Variants in SUGT1 observed in about 807,000 individuals in gnomAD.
The protein encoded by SUGT1 is protein SGT1 homolog.
In SUGT1, 15 loss-of-function variants were observed where a neutral mutation model predicts 56.1. The observed-to-expected ratio is 0.27, with a 90% CI of 0.18 to 0.41. The LOEUF (loss-of-function observed/expected upper bound fraction) is 0.41, where lower values mean the gene tolerates loss of function less well. Ranked by LOEUF, SUGT1 falls within the 10% of genes least tolerant of loss-of-function variation. The pLI is 1.00. For missense variants in SUGT1, 347 were observed against 382.2 expected (o/e 0.91, Z 0.77); for synonymous variants, 123 against 128.6 (o/e 0.96, Z 0.30).
intron 2 of SUGT1, 123 bp downstream of exon 2, chr13:52,653,226 T>C: frequency 8.6e-7 from 1 of 1,156,342 alleles, no homozygotes; most frequent in East Asian, 2.3e-5. Context: ...TGATGCTGCG[T>C]CTCAGCTCCG....
chr13:52,685,361 C>T (rs1276055255), intron 12 of SUGT1, among the ~76,000 whole-genome samples: 1 of 149,844 alleles, frequency 6.7e-6, no homozygotes, highest in Non-Finnish European at 1.5e-5. Context: ...TCCCAAAGTA[C>T]TGGGATTCTA....
At chr13:52,679,884 A>T in intron 11 of SUGT1, 90 bp from the exon 12 acceptor site, 2 of 1,269,296 alleles carry the variant, frequency 1.6e-6, no homozygotes. Context: ...GTTTGCTAAG[A>T]TGTTCCATAT....
chr13:52,666,998 T>G (rs1372083613), intron 10 of SUGT1, 79 bp downstream of exon 10: 1 of 945,032 alleles, frequency 1.1e-6, no homozygotes, highest in Non-Finnish European at 1.6e-6. Flanking sequence ...CCCATGTGTT[T>G]ATAAGCTTGT....
At position 52,685,565 on chromosome 13, in the gene SUGT1, TGTCAA is replaced by T. The variant is rs567023742; in HGVS notation, c.901-2158_901-2154del. On this transcript the variant is annotated intron_variant, in intron 12 of 12. Transcript: ENST00000310528. ...AATTAGCAGTATGTCAGATCAAAGATGTCAAGTCAAGTCAAATCAAAGATCAAAGA... is the reference window on the plus strand; with the variant it reads ...AATTAGCAGTATGTCAGATCAAAGATGTCAAGTCAAATCAAAGATCAAAGA... Among the ~76,000 whole-genome samples, 780 of 152,280 alleles carry T rather than the reference TGTCAA, an allele frequency of 5.1e-3. 1 individual carries two copies. The highest frequency in any genetic ancestry group is 0.01 in the Middle Eastern group (3 of 294).
In SUGT1 at chr13:52,666,825, T is replaced by C; in HGVS notation, c.533T>C (p.Val178Ala). Reference sequence around the variant, plus strand: ...TGTGTTCATTAGTTGTCTGCTTTGGTTAAACTTCCTTCTGGAGAGGATTAC... The same window carrying C: ...TGTGTTCATTAGTTGTCTGCTTTGGCTAAACTTCCTTCTGGAGAGGATTAC... The part of the protein sequence containing the change: ...EFSEKELSAL[V>A]KLPSGEDYNL... The change falls in exon 10 of 13, where the codon GTT (valine) becomes GCT (alanine). Residue 178 changes from valine to alanine, a missense_variant. Coordinates refer to ENST00000310528, the MANE Select transcript of SUGT1 (RefSeq NM_006704.5). 6.2e-7 allele frequency: 1 copy of C among 1,612,970 alleles called. No homozygotes were observed. The highest frequency in any genetic ancestry group is 1.3e-5 in the African/African-American group (1 of 75,032).
chr13:52,653,319 C>A (rs1962003485), intron 2 of SUGT1, among the ~76,000 whole-genome samples: 1 of 152,164 alleles, frequency 6.6e-6, no homozygotes, highest in Non-Finnish European at 1.5e-5. Flanking sequence ...CCACTCCCTA[C>A]AGCTCCTGAG....
At chr13:52,672,747 T>A (rs1962993193) in intron 10 of SUGT1, among the ~76,000 whole-genome samples, 1 of 152,212 alleles carries the variant, frequency 6.6e-6, no homozygotes, top group Non-Finnish European at 1.5e-5. Flanking sequence ...GTAGGTGGGA[T>A]CTTACTTACC....
In SUGT1 at chr13:52,696,684, G is replaced by GC. The variant is rs1963943652; in HGVS notation, c.*8850dup. The GC allele has an allele frequency of 6.6e-6, 1 of 152,164 alleles. No homozygotes were observed. Among genetic ancestry groups the GC allele is most frequent in the Non-Finnish European group, 1.5e-5 (1 of 68,046 alleles). The allele number at this position is 152,164 out of a possible 1,614,324, so 9.4% of individuals were successfully genotyped here. ...GTGGTGCTCAGGCTGGAGTGCAGTG[G>GC]CTGTTCACAGGCGTGATAATTGTGT... On this transcript the variant is annotated 3_prime_UTR_variant, in exon 13 of 13. Transcript: ENST00000310528.
chr13:52,653,033 G>GT lies in SUGT1; in HGVS notation c.39-9dup. 1 of 1,614,136 alleles carries GT rather than the reference G, an allele frequency of 6.2e-7. No homozygotes were observed. Among genetic ancestry groups the GT allele is most frequent in the Non-Finnish European group, 8.5e-7 (1 of 1,180,008 alleles). On this transcript the variant is annotated splice_polypyrimidine_tract_variant and intron_variant, in intron 1 of 12. Transcript: ENST00000310528. Reference sequence around the variant, plus strand: ...GCTAGTGAGCCCTGCTGAAGTCGTTGTTTTCCTGACAGGTTTTTCCAGAGC... The same window carrying GT: ...GCTAGTGAGCCCTGCTGAAGTCGTTGTTTTTCCTGACAGGTTTTTCCAGAGC...
intron 12 of SUGT1, among the ~76,000 whole-genome samples, chr13:52,685,629 G>T (rs1322085882): frequency 1.3e-5 from 2 of 152,094 alleles, no homozygotes; most frequent in Non-Finnish European, 2.9e-5. Flanking sequence ...TAGAAACTTT[G>T]ACAATTATAA....
chr13:52,676,305 A>G lies in SUGT1; in HGVS notation c.703A>G (p.Lys235Glu), dbSNP rs555226844. Reference protein sequence around the residue: ...LEGQGDVPTPKQFVADVKNLY... With the variant: ...LEGQGDVPTPEQFVADVKNLY... ...GGGGCAAGGAGATGTGCCTACGCCAAAACAATTCGTAGCAGGTTTGTTTTC... is the reference window on the plus strand; with the variant it reads ...GGGGCAAGGAGATGTGCCTACGCCAGAACAATTCGTAGCAGGTTTGTTTTC... The change falls in exon 11 of 13, where the codon AAA (lysine) becomes GAA (glutamate). Residue 235 changes from lysine to glutamate, a missense_variant. Physicochemically the swap from Lys to Glu is moderately conservative, Grantham distance 56. Coordinates refer to ENST00000310528, the MANE Select transcript of SUGT1 (RefSeq NM_006704.5). 5.7e-5 allele frequency: 92 copies of G among 1,612,394 alleles called. 1 individual carries two copies. The South Asian group carries it at 9.4e-4, about 16-fold the overall frequency.
intron 2 of SUGT1, among the ~76,000 whole-genome samples, chr13:52,654,039 C>T (rs1009078832): frequency 6.6e-6 from 1 of 152,164 alleles, no homozygotes; most frequent in Non-Finnish European, 1.5e-5. Context: ...GGACCAAGAG[C>T]CAGTGCAGAT....
rs913033284 is a variant in SUGT1, at chr13:52,687,900, C to T, written c.*65C>T. ...TAATGCCCATTGTGTATTGATATTG[C>T]ATTCTTGAATTTTGAACACTGAATA... is the stretch of plus-strand genomic sequence containing the variant. On this transcript the variant is annotated 3_prime_UTR_variant, in exon 13 of 13. Transcript: ENST00000310528. The T allele has an allele frequency of 1.7e-5, 18 of 1,038,474 alleles. No individual in the cohort carries two copies. Among genetic ancestry groups the T allele is most frequent in the Non-Finnish European group, 2.3e-5 (17 of 736,398 alleles). The allele number at this position is 1,038,474 out of a possible 1,614,324, so 64.3% of individuals were successfully genotyped here.
chr13:52,668,231 T>G (rs898140131), intron 10 of SUGT1, among the ~76,000 whole-genome samples: 1 of 152,126 alleles, frequency 6.6e-6, no homozygotes, highest in South Asian at 2.1e-4. Flanking sequence ...CTGCCCACCT[T>G]GGCCTCCCAA....
chr13:52,655,903 GC>G (rs1201193374), intron 2 of SUGT1, among the ~76,000 whole-genome samples: 3 of 152,130 alleles, frequency 2.0e-5, no homozygotes, highest in Non-Finnish European at 4.4e-5. Flanking sequence ...CATATGTGAA[GC>G]CCCCCAGTAG....
chr13:52,659,548 T>G (rs1962324330), intron 5 of SUGT1, among the ~76,000 whole-genome samples: 1 of 151,994 alleles, frequency 6.6e-6, no homozygotes, highest in Admixed American at 6.6e-5. Flanking sequence ...AAGTGAAAGT[T>G]TAATTTGCCT....
intron 10 of SUGT1, among the ~76,000 whole-genome samples, chr13:52,674,664 T>A (rs1963073271): frequency 2.0e-5 from 3 of 152,208 alleles, no homozygotes. Flanking sequence ...TAAGTCTGCC[T>A]TTTGATTTTT....
intron 12 of SUGT1, among the ~76,000 whole-genome samples, chr13:52,680,394 T>G (rs1180098997): frequency 6.6e-6 from 1 of 152,182 alleles, no homozygotes; most frequent in Non-Finnish European, 1.5e-5. Context: ...TGAGTTAGAT[T>G]GATATGGAGT....
chr13:52,652,951 T>A lies in SUGT1; in HGVS notation c.31T>A (p.Ser11Thr). MAAAAAGTAT[S>T]QRFFQSFSDA... ...GGCGGCTGCAGCAGGAACTGCAACA[T>A]CCCAGAGGTGCATGTTTTTCTTTCC... Residue 11 changes from serine (S) to threonine (T), a missense_variant, in exon 1 of 13, where the codon TCC (serine) becomes ACC (threonine). Physicochemically the swap from Ser to Thr is moderately conservative, Grantham distance 58. Transcript: ENST00000310528. 6.2e-7 allele frequency: 1 copy of A among 1,614,238 alleles called. No individual in the cohort carries two copies. The highest frequency in any genetic ancestry group is 8.5e-7 in the Non-Finnish European group (1 of 1,180,028).
Sources: gnomAD v4.1 joint callset for allele counts (sites outside exome capture counted in the v4.1 genomes callset) on GRCh38, gnomAD v4.1.1 for gene constraint, MANE v1.5 for transcripts, NCBI Gene and HGNC (gene_info 2026-07-23, HGNC 2026-07-21) for gene names.